The following PKNOX2 variants were observed in gnomAD, a reference collection of about 807,000 sequenced individuals.
PKNOX2 encodes the protein homeobox protein PKNOX2.
In PKNOX2, 14 loss-of-function variants were observed where a neutral mutation model predicts 53.1. The ratio of observed to expected loss-of-function variants is 0.26; its 90% confidence interval spans 0.17 to 0.41. The LOEUF (loss-of-function observed/expected upper bound fraction) is 0.41. Among genes scored for constraint, PKNOX2 ranks in the 10% least tolerant of loss-of-function variants. The pLI, the probability that PKNOX2 is intolerant of heterozygous loss-of-function variation, is 1.00. For synonymous variants in PKNOX2, 257 were observed against 242.8 expected (o/e 1.06, Z -0.54); for missense variants, 496 against 602.8 (o/e 0.82, Z 1.85).
chr11:125,277,916 A>AT (rs765444688), intron 2 of PKNOX2, among the ~76,000 whole-genome samples: 14 of 151,546 alleles, frequency 9.2e-5, no homozygotes, highest in Admixed American at 1.3e-4. Flanking sequence ...TATCAGTGCA[A>AT]TTTTTTTTTA....
chr11:125,179,813 A>G (rs1488329002), intron 1 of PKNOX2, among the ~76,000 whole-genome samples: 1 of 152,216 alleles, frequency 6.6e-6, no homozygotes, highest in Non-Finnish European at 1.5e-5. Context: ...AAAAATTATA[A>G]ATAGATTGCA....
In PKNOX2 at chr11:125,313,950, C is replaced by T. The variant is rs750517481; in HGVS notation, c.-129-17869C>T. Among the ~76,000 whole-genome samples, 5 of 152,270 alleles carry T rather than the reference C, an allele frequency of 3.3e-5. No homozygotes were observed. The South Asian group carries it at 8.3e-4, about 25-fold the overall frequency. On this transcript the variant is annotated intron_variant, in intron 2 of 12. Coordinates refer to ENST00000298282, the MANE Select transcript of PKNOX2 (RefSeq NM_001382323.2). ...TTACCGCACAGGATGGAGTGCAGCC[C>T]TGTGAGTTCTGTGTGTAAAGCACTG...
chr11:125,423,311 G>C (rs1456904293), intron 10 of PKNOX2, among the ~76,000 whole-genome samples: 4 of 152,166 alleles, frequency 2.6e-5, no homozygotes, highest in Non-Finnish European at 4.4e-5. Context: ...CTTTAGAGAG[G>C]TGACCGGTGT....
In PKNOX2 at chr11:125,433,186, GCACACAGACACACA is replaced by G. The variant is rs964525043; in HGVS notation, c.*1801_*1814del. On this transcript the variant is annotated 3_prime_UTR_variant, in exon 13 of 13. Transcript: ENST00000298282. ...TGGTTCGTTTTTCTTGTTAACACGCGCACACAGACACACACACACACCGTTCCACTCACCACCTG... is the reference window on the plus strand; with the variant it reads ...TGGTTCGTTTTTCTTGTTAACACGCGCACACACCGTTCCACTCACCACCTG... 7 of 152,422 alleles carry G rather than the reference GCACACAGACACACA, an allele frequency of 4.6e-5. No individual in the cohort carries two copies. Among genetic ancestry groups the G allele is most frequent in the Non-Finnish European group, 7.4e-5 (5 of 68,016 alleles). The allele number at this position is 152,422 out of a possible 1,614,324, so 9.4% of individuals were successfully genotyped here.
intron 1 of PKNOX2, among the ~76,000 whole-genome samples, chr11:125,201,302 G>C (rs1399115453): frequency 6.6e-6 from 1 of 152,098 alleles, no homozygotes. Flanking sequence ...CTGATGCCTA[G>C]AGCCTTTGGC....
Position 125,350,320 on chromosome 11 carries a change from G to A in PKNOX2, c.-22-964G>A, listed in dbSNP as rs971583939. ...TCTTGAGGCTTCATGGGGGCAGCTC[G>A]CCTGCTTATTGGTGATGGGGAAATG... On this transcript the variant is annotated intron_variant, in intron 3 of 12. Coordinates refer to ENST00000298282, the MANE Select transcript of PKNOX2 (RefSeq NM_001382323.2). 5.9e-5 allele frequency among the ~76,000 whole-genome samples: 9 copies of A among 152,146 alleles called. No individual in the cohort carries two copies. In the South Asian group the frequency reaches 8.3e-4, roughly 14 times the overall value.
chr11:125,233,525 G>C (rs1010215512), intron 1 of PKNOX2, among the ~76,000 whole-genome samples: 6 of 152,192 alleles, frequency 3.9e-5, no homozygotes, highest in African/African-American at 1.4e-4. Flanking sequence ...CACAGGCTGG[G>C]CACTCTGCTA....
At chr11:125,408,156 C>A (rs966765606) in intron 7 of PKNOX2, among the ~76,000 whole-genome samples, 5 of 152,190 alleles carry the variant, frequency 3.3e-5, no homozygotes, top group Non-Finnish European at 7.3e-5. Context: ...TGCTAACGGG[C>A]TGTGTGGCCT....
chr11:125,336,909 T>A (rs183907118), intron 3 of PKNOX2, among the ~76,000 whole-genome samples: 2 of 148,368 alleles, frequency 1.3e-5, no homozygotes. Context: ...CTATGTACTA[T>A]AATACATATG....
At chr11:125,208,322 C>A (rs1479413059) in intron 1 of PKNOX2, among the ~76,000 whole-genome samples, 1 of 152,028 alleles carries the variant, frequency 6.6e-6, no homozygotes, top group Non-Finnish European at 1.5e-5. Context: ...TAAGTTGAAC[C>A]TGGAAAGTTA....
chr11:125,229,841 C>A (rs1427456323), intron 1 of PKNOX2, among the ~76,000 whole-genome samples: 1 of 152,214 alleles, frequency 6.6e-6, no homozygotes, highest in Non-Finnish European at 1.5e-5. Context: ...TGAGACCAAG[C>A]CACTCTGTGA....
rs139662105 is a variant in PKNOX2 at position 125,206,945 on chromosome 11, G to A, written c.-200-28100G>A. The stretch of plus-strand genomic sequence containing the variant: ...AGTACAGCAGGCAAGTGAGCCTGAG[G>A]GCCTGGGCTGAGGGGTGGTGCTGTG... On this transcript the variant is annotated intron_variant, in intron 1 of 12. Coordinates refer to ENST00000298282, the MANE Select transcript of PKNOX2 (RefSeq NM_001382323.2). Among the ~76,000 whole-genome samples, 45 of 151,730 alleles carry A rather than the reference G, an allele frequency of 3.0e-4. 1 individual carries two copies. Among genetic ancestry groups the A allele is most frequent in the African/African-American group, 1.0e-3 (43 of 41,394 alleles).
intron 7 of PKNOX2, among the ~76,000 whole-genome samples, chr11:125,401,766 A>AGAGTGTGTGT (rs1555170945): frequency 6.8e-4 from 102 of 149,304 alleles, no homozygotes; most frequent in East Asian, 2.4e-3. Context: ...GGAGCTTGTG[A>AGAGTGTGTGT]GTGTGTGTGT....
At chr11:125,258,262 T>C (rs1015144544) in intron 2 of PKNOX2, among the ~76,000 whole-genome samples, 6 of 152,206 alleles carry the variant, frequency 3.9e-5, no homozygotes, top group Admixed American at 3.9e-4. Flanking sequence ...TTTCCCCCTC[T>C]TTCCCATTAT....
intron 3 of PKNOX2, among the ~76,000 whole-genome samples, chr11:125,343,194 A>C: frequency 6.6e-6 from 1 of 152,130 alleles, no homozygotes; most frequent in East Asian, 1.9e-4. Context: ...CAAAAGCGGG[A>C]CCCAGGTGTG....
At chr11:125,427,473 G>A (rs947212796) in intron 10 of PKNOX2, among the ~76,000 whole-genome samples, 1 of 152,176 alleles carries the variant, frequency 6.6e-6, no homozygotes, top group Non-Finnish European at 1.5e-5. Context: ...CAAGGCTGCT[G>A]ACCGCAGCCT....
chr11:125,330,840 A>C (rs1311776650), intron 2 of PKNOX2, among the ~76,000 whole-genome samples: 1 of 152,182 alleles, frequency 6.6e-6, no homozygotes, highest in Admixed American at 6.5e-5. Context: ...GGTTAATTAC[A>C]TTCTTTACTG....
intron 1 of PKNOX2, among the ~76,000 whole-genome samples, chr11:125,179,679 G>A (rs1257009497): frequency 6.6e-6 from 1 of 152,134 alleles, no homozygotes; most frequent in Non-Finnish European, 1.5e-5. Flanking sequence ...GTGGGGAGAG[G>A]TGGGTAAACT....
intron 4 of PKNOX2, among the ~76,000 whole-genome samples, chr11:125,366,978 G>A (rs1332314574): frequency 1.3e-5 from 2 of 152,208 alleles, no homozygotes; most frequent in Non-Finnish European, 2.9e-5. Context: ...CACCACATGT[G>A]GGGAGAGCTA....
Sources: gnomAD v4.1 joint callset for allele counts (sites outside exome capture counted in the v4.1 genomes callset) on GRCh38, gnomAD v4.1.1 for gene constraint, MANE v1.5 for transcripts, NCBI Gene and HGNC (gene_info 2026-07-23, HGNC 2026-07-21) for gene names.